Variants in ABCF3 observed in about 807,000 individuals in gnomAD.
The protein encoded by ABCF3 is ATP-binding cassette sub-family F member 3.
Under a neutral mutation model 94.3 loss-of-function variants are expected in ABCF3, and 62 were observed. The ratio of observed to expected loss-of-function variants is 0.66; its 90% CI spans 0.54 to 0.81. The LOEUF (loss-of-function observed/expected upper bound fraction) is 0.81, where lower values mean the gene tolerates loss of function less well. ABCF3 is among the 40% of genes least tolerant of loss of function. The probability of loss-of-function intolerance (pLI) is 0.00; values close to 1 mark genes in which losing one functional copy is unlikely to be tolerated. For synonymous variants in ABCF3, 355 were observed against 361.1 expected (o/e 0.98, Z 0.19); for missense variants, 843 against 925.3 (o/e 0.91, Z 1.15).
At position 184,189,916 on chromosome 3, in the gene ABCF3, A is replaced by G. The variant is rs1715908673; in HGVS notation, c.1376A>G (p.Lys459Arg). ...NRASQVQSKLKMLEKLPELKP... is the reference protein window; with the variant it reads ...NRASQVQSKLRMLEKLPELKP... ...GCCTCTCAAGTGCAGAGTAAACTCA[A>G]GATGCTGGAGAAGCTGTGAGTACAG... is the stretch of plus-strand genomic sequence containing the variant. The change falls in exon 14 of 21, where the codon AAG (lysine) becomes AGG (arginine). Residue 459 changes from lysine to arginine, a missense_variant. Transcript: ENST00000429586. The G allele has an allele frequency of 6.2e-7, 1 of 1,614,226 alleles. No individual in the cohort carries two copies. The highest frequency in any genetic ancestry group is 8.5e-7 in the Non-Finnish European group (1 of 1,180,038).
In ABCF3 at chr3:184,193,305, A is replaced by G; in HGVS notation, c.1884-60A>G. On this transcript the variant is annotated intron_variant, in intron 19 of 20. Transcript: ENST00000429586. This position sits in a 1 kb window ranked among gnomAD's most constrained non-coding sequence, Gnocchi z 5.2. Reference sequence around the variant, plus strand: ...TTGCCCAGTAGAAAACTGTATCAGAAGGCTTTATTTTCTCTCACCGCACCC... The same window carrying G: ...TTGCCCAGTAGAAAACTGTATCAGAGGGCTTTATTTTCTCTCACCGCACCC... 1 of 1,612,322 alleles carries G rather than the reference A, an allele frequency of 6.2e-7. No homozygotes were observed. Among genetic ancestry groups the G allele is most frequent in the South Asian group, 1.1e-5 (1 of 90,784 alleles).
intron 3 of ABCF3, 159 bp from the exon 4 acceptor site, chr3:184,187,235 TTTG>T (rs1224537871): frequency 7.3e-6 from 6 of 820,010 alleles, no homozygotes; most frequent in Admixed American, 2.1e-5. Flanking sequence ...TTTGTTTTGT[TTTG>T]TTTTGTTTTT....
Position 184,189,275 on chromosome 3 carries a change from A to T in ABCF3, c.1055A>T (p.Asp352Val). Residue 352 changes from aspartate (D) to valine (V), a missense_variant and splice_region_variant, in exon 11 of 21, where the codon GAT (aspartate) becomes GTT (valine). Coordinates refer to ENST00000429586, the MANE Select transcript of ABCF3 (RefSeq NM_018358.3). ...CATAGGCCAGATCTTCTGCTGTTAG[A>T]TGGTGAGTTTGAAATGGGGCACCCT... Reference protein sequence around the residue: ...LFARPDLLLLDEPTNMLDVRA... With the variant: ...LFARPDLLLLVEPTNMLDVRA... 2 of 1,614,142 alleles carry T rather than the reference A, an allele frequency of 1.2e-6. No individual in the cohort carries two copies. Among genetic ancestry groups the T allele is most frequent in the Non-Finnish European group, 1.7e-6 (2 of 1,180,044 alleles).
At position 184,188,368 on chromosome 3, in the gene ABCF3, G is replaced by A. The variant is rs369613863; in HGVS notation, c.797G>A (p.Arg266Gln). The stretch of plus-strand genomic sequence containing the variant: ...GACAGTGTGCGAGAGGATTTGCTAC[G>A]GAGGGAGCGGGAGCTCACTGCCCAG... ...ESDSVREDLL[R>Q]RERELTAQIA... is the part of the protein sequence containing the mutation. The change falls in exon 7 of 21, where the codon CGG becomes CAG. Residue 266 changes from arginine to glutamine, a missense_variant. Coordinates refer to ENST00000429586, the MANE Select transcript of ABCF3 (RefSeq NM_018358.3). 3.3e-5 allele frequency: 53 copies of A among 1,612,750 alleles called. No individual in the cohort carries two copies. The highest frequency in any genetic ancestry group is 3.1e-4 in the African/African-American group (23 of 75,064).
chr3:184,186,584 G>A lies in ABCF3; in HGVS notation c.151G>A (p.Val51Met). ...VEAVGELLQE[V>M]SGDSKDDAGI... ...AGCTGTAGGGGAACTATTGCAAGAGGTGTCCGGGGACAGCAAGGATGACGC... is the reference window on the plus strand; with the variant it reads ...AGCTGTAGGGGAACTATTGCAAGAGATGTCCGGGGACAGCAAGGATGACGC... Residue 51 changes from valine to methionine, a missense_variant, in exon 2 of 21, where the codon GTG becomes ATG. Val to Met is a conservative substitution (Grantham distance 21, BLOSUM62 1). Transcript: ENST00000429586. 1 of 1,614,100 alleles carries A rather than the reference G, an allele frequency of 6.2e-7. No individual in the cohort carries two copies.
At chr3:184,192,926 G>GT (rs749277355) in intron 18 of ABCF3, 30 bp downstream of exon 18, 12 of 1,611,890 alleles carry the variant, frequency 7.4e-6, no homozygotes, top group South Asian at 1.1e-5. Flanking sequence ...CGGGGGAAGA[G>GT]TTTGAGTAGG....
intron 14 of ABCF3, chr3:184,190,474 C>G (rs1715950906): frequency 1.2e-5 from 2 of 164,818 alleles, no homozygotes; most frequent in Non-Finnish European, 2.7e-5. Context: ...GCTGGGTTAC[C>G]TGGTAATTCC....
chr3:184,186,222 C>G lies in ABCF3; in HGVS notation c.15C>G (p.Ala5=), dbSNP rs1412446525. MATC[A]EILRSEFPEI... ...CTGAGTGGAACATGGCGACTTGCGC[C>G]GAAATCCTGCGGAGCGAGTTCCCCG... Residue 5 remains alanine, a synonymous_variant, in exon 1 of 21, where the codon GCC becomes GCG. Coordinates refer to ENST00000429586, the MANE Select transcript of ABCF3 (RefSeq NM_018358.3). 1 of 1,614,068 alleles carries G rather than the reference C, an allele frequency of 6.2e-7. No homozygotes were observed. The highest frequency in any genetic ancestry group is 2.2e-5 in the East Asian group (1 of 44,904).
At chr3:184,191,389 T>G in intron 16 of ABCF3, 134 bp downstream of exon 16, 1 of 1,353,386 alleles carries the variant, frequency 7.4e-7, no homozygotes, top group Non-Finnish European at 1.0e-6. Context: ...CTAAGGATTT[T>G]GCAGGACTTA....
In ABCF3 at chr3:184,186,493, C is replaced by T; in HGVS notation, c.74-14C>T. 6.2e-7 allele frequency: 1 copy of T among 1,603,238 alleles called. No homozygotes were observed. The highest frequency in any genetic ancestry group is 8.5e-7 in the Non-Finnish European group (1 of 1,174,130). On this transcript the variant is annotated splice_polypyrimidine_tract_variant and intron_variant, in intron 1 of 20. Coordinates refer to ENST00000429586, the MANE Select transcript of ABCF3 (RefSeq NM_018358.3). ...CTACCCGATACCTTCCTCGTTCTAC[C>T]ACGCCCTGCCCAGGCGTCTTGCACA...
Position 184,189,370 on chromosome 3 carries a change from G to A in ABCF3, c.1058-18G>A, listed in dbSNP as rs113643335. 42,018 of 1,614,114 alleles carry A rather than the reference G, an allele frequency of 0.026. 643 individuals are homozygous for A. The highest frequency in any genetic ancestry group is 0.045 in the Middle Eastern group (273 of 6,058). On this transcript the variant is annotated intron_variant, in intron 11 of 20. Transcript: ENST00000429586. ...TCCAGCCCTTCAATCCCAAGTGTGT[G>A]CTCCCCTGCTTCTCCAGAACCTACA...
chr3:184,187,016 A>G, intron 3 of ABCF3, 141 bp downstream of exon 3: 2 of 876,682 alleles, frequency 2.3e-6, no homozygotes, highest in Non-Finnish European at 3.5e-6. Context: ...TACCGAGGGC[A>G]GAAGAGCCCA....
In ABCF3 at chr3:184,186,860, A is replaced by G; in HGVS notation, c.286A>G (p.Ile96Val). 6.2e-7 allele frequency: 1 copy of G among 1,613,926 alleles called. No individual in the cohort carries two copies. Among genetic ancestry groups the G allele is most frequent in the South Asian group, 1.1e-5 (1 of 91,004 alleles). The change falls in exon 3 of 21, where the codon ATA (isoleucine) becomes GTA (valine). Residue 96 changes from isoleucine (I) to valine (V), a missense_variant. Coordinates refer to ENST00000429586, the MANE Select transcript of ABCF3 (RefSeq NM_018358.3). ...GGACGCCCCTATCCAGTTGTCAAAG[A>G]TAACGGAGAACTACGGTGAGAGTGA... ...LLDAPIQLSK[I>V]TENYDCGTKL...
At chr3:184,187,800 G>C (rs370906283) in intron 5 of ABCF3, 39 bp downstream of exon 5, 3 of 1,614,160 alleles carry the variant, frequency 1.9e-6, no homozygotes, top group Non-Finnish European at 2.5e-6. Context: ...GAGCAGAGCA[G>C]CTTTTGCCTG....
chr3:184,189,513 T>G (rs1271846240), intron 12 of ABCF3, 44 bp from the exon 13 acceptor site: 1 of 1,613,852 alleles, frequency 6.2e-7, no homozygotes, highest in Non-Finnish European at 8.5e-7. Flanking sequence ...GCCTGAGAAC[T>G]GACTGCCCTC....
chr3:184,191,202 G>A lies in ABCF3; in HGVS notation c.1516G>A (p.Val506Ile), dbSNP rs113949696. The A allele has an allele frequency of 1.7e-5, 27 of 1,614,154 alleles. No homozygotes were observed. Among genetic ancestry groups the A allele is most frequent in the South Asian group, 1.2e-4 (11 of 91,086 alleles). Reference protein sequence around the residue: ...EVDFYYDPKHVIFSRLSVSAD... With the variant: ...EVDFYYDPKHIIFSRLSVSAD... ...GGATTTCTACTACGATCCGAAGCAC[G>A]TCATCTTCAGTCGCCTCTCTGTGTC... The change falls in exon 16 of 21, where the codon GTC (valine) becomes ATC (isoleucine). Residue 506 changes from valine (V) to isoleucine (I), a missense_variant. By Grantham distance (29) the Val-to-Ile change is conservative (BLOSUM62 3). Coordinates refer to ENST00000429586, the MANE Select transcript of ABCF3 (RefSeq NM_018358.3).
At position 184,186,868 on chromosome 3, in the gene ABCF3, G is replaced by C; in HGVS notation, c.294G>C (p.Glu98Asp). 6.2e-7 allele frequency: 1 copy of C among 1,613,614 alleles called. No homozygotes were observed. The highest frequency in any genetic ancestry group is 1.7e-5 in the Admixed American group (1 of 59,846). Residue 98 changes from glutamate (E) to aspartate (D), a missense_variant, in exon 3 of 21, where the codon GAG becomes GAC. Coordinates refer to ENST00000429586, the MANE Select transcript of ABCF3 (RefSeq NM_018358.3). ...DAPIQLSKIT[E>D]NYDCGTKLPG... ...CTATCCAGTTGTCAAAGATAACGGA[G>C]AACTACGGTGAGAGTGAGGGGAGGT...
chr3:184,186,863 A>G lies in ABCF3; in HGVS notation c.289A>G (p.Thr97Ala). The G allele has an allele frequency of 2.5e-6, 4 of 1,613,726 alleles. No homozygotes were observed. Among genetic ancestry groups the G allele is most frequent in the Non-Finnish European group, 3.4e-6 (4 of 1,179,868 alleles). The change falls in exon 3 of 21, where the codon ACG becomes GCG. Residue 97 changes from threonine to alanine, a missense_variant. By Grantham distance (58) the Thr-to-Ala change is moderately conservative. Coordinates refer to ENST00000429586, the MANE Select transcript of ABCF3 (RefSeq NM_018358.3). ...CGCCCCTATCCAGTTGTCAAAGATA[A>G]CGGAGAACTACGGTGAGAGTGAGGG... ...LDAPIQLSKITENYDCGTKLP... is the reference protein window; with the variant it reads ...LDAPIQLSKIAENYDCGTKLP...
chr3:184,188,350 T>C lies in ABCF3; in HGVS notation c.779T>C (p.Val260Ala). Residue 260 changes from valine to alanine, a missense_variant, in exon 7 of 21, where the codon GTG becomes GCG. Transcript: ENST00000429586. ...CAGAGTGTGCTGGAGAGTGACAGTG[T>C]GCGAGAGGATTTGCTACGGAGGGAG... ...ALQSVLESDS[V>A]REDLLRRERE... 6.2e-7 allele frequency: 1 copy of C among 1,613,798 alleles called. No homozygotes were observed. The highest frequency in any genetic ancestry group is 8.5e-7 in the Non-Finnish European group (1 of 1,179,958).
Sources: gnomAD v4.1 joint callset for allele counts on GRCh38, gnomAD v4.1.1 for gene constraint, Gnocchi (gnomAD v3.1) non-coding constraint, MANE v1.5 for transcripts, NCBI Gene and HGNC (gene_info 2026-07-23, HGNC 2026-07-21) for gene names.